Variants in COL5A1 observed in about 807,000 individuals in gnomAD.
COL5A1 encodes the protein collagen type V alpha 1 chain.
Under a neutral mutation model 263.7 loss-of-function variants are expected in COL5A1, and 16 were observed. The ratio of observed to expected loss-of-function variants is 0.06; its 90% CI spans 0.04 to 0.09. The LOEUF is 0.09. Among genes scored for constraint, COL5A1 ranks in the 10% least tolerant of loss-of-function variants. The pLI, the probability that COL5A1 is intolerant of heterozygous loss-of-function variation, is 1.00. For synonymous variants in COL5A1, 1,012 were observed against 1,004.5 expected (o/e 1.01, Z -0.14); for missense variants, 2,036 against 2,540.5 (o/e 0.80, Z 4.27).
intron 32 of COL5A1, among the ~76,000 whole-genome samples, chr9:134,790,927 G>A (rs1453935156): frequency 1.3e-5 from 2 of 152,136 alleles, no homozygotes; most frequent in Non-Finnish European, 2.9e-5. Flanking sequence ...GGCTGTGACT[G>A]CAAGCCCTTT....
At chr9:134,814,083 T>TG in intron 49 of COL5A1, 47 bp downstream of exon 49, 7 of 1,537,724 alleles carry the variant, frequency 4.6e-6, no homozygotes, top group Non-Finnish European at 6.2e-6. Context: ...GCCGAGCGGG[T>TG]GTGTGGACGG....
intron 43 of COL5A1, among the ~76,000 whole-genome samples, chr9:134,809,529 C>G (rs532009458): frequency 6.6e-6 from 1 of 152,338 alleles, no homozygotes; most frequent in South Asian, 2.1e-4. Context: ...CCTCCTGTGT[C>G]ATTTTGAGGT....
chr9:134,796,404 C>T lies in COL5A1; in HGVS notation c.2830C>T (p.Pro944Ser), dbSNP rs1047016771. ...CTCCGGAGGTGACGGCCCAGCTGGC[C>T]CTCCTGGTGAACGGGTAAGCAGCTG... is the stretch of plus-strand genomic sequence containing the variant. ...GNSGGDGPAG[P>S]PGERGPNGPQ... Residue 944 changes from proline (P) to serine (S), a missense_variant, in exon 35 of 66, where the codon CCT (proline) becomes TCT (serine). This residue lies in a region of COL5A1 where 1,078 missense variants were observed against 1,521.4 expected (regional missense o/e 0.71). Coordinates refer to ENST00000371817, the MANE Select transcript of COL5A1 (RefSeq NM_000093.5). The T allele has an allele frequency of 4.3e-6, 7 of 1,614,042 alleles. No individual in the cohort carries two copies. Among genetic ancestry groups the T allele is most frequent in the Admixed American group, 1.7e-5 (1 of 60,014 alleles).
Position 134,682,559 on chromosome 9 carries a change from G to A in COL5A1, c.110-8353G>A, listed in dbSNP as rs1231100434. ...ATCCTACCACACTGCCTGGTGGGGT[G>A]GGGGAGAGCCTGCTGCCCAGGAAGG... is the stretch of plus-strand genomic sequence containing the variant. On this transcript the variant is annotated intron_variant, in intron 1 of 65. Transcript: ENST00000371817. The surrounding 1 kb of genome is among the most constrained non-coding windows in gnomAD (Gnocchi z 5.1). 6.6e-6 allele frequency among the ~76,000 whole-genome samples: 1 copy of A among 152,224 alleles called. No homozygotes were observed. Among genetic ancestry groups the A allele is most frequent in the Non-Finnish European group, 1.5e-5 (1 of 68,046 alleles).
intron 4 of COL5A1, among the ~76,000 whole-genome samples, chr9:134,707,087 G>C (rs1301191488): frequency 6.6e-6 from 1 of 152,182 alleles, no homozygotes; most frequent in Non-Finnish European, 1.5e-5. Flanking sequence ...AGGGGGCCTG[G>C]GGTGCCTCTG....
chr9:134,691,592 T>C, intron 2 of COL5A1: 1 of 166,038 alleles, frequency 6.0e-6, no homozygotes, highest in South Asian at 1.6e-4. Flanking sequence ...TTTAATTACA[T>C]GCCCGGAGCG....
chr9:134,793,136 G>A (rs913310045), intron 32 of COL5A1, among the ~76,000 whole-genome samples: 1 of 151,956 alleles, frequency 6.6e-6, no homozygotes, highest in African/African-American at 2.4e-5. Flanking sequence ...TTGCCCCTCG[G>A]GCCTCGGGCC....
intron 36 of COL5A1, 57 bp downstream of exon 36, chr9:134,796,958 GTCCCCTCCAAAAC>G: frequency 7.0e-7 from 1 of 1,432,010 alleles, no homozygotes; most frequent in Non-Finnish European, 9.6e-7. Context: ...AAACCCACCT[GTCCCCTCCAAAAC>G]CCGCCTGTTT....
chr9:134,831,160 C>T (rs1488008879), intron 64 of COL5A1, among the ~76,000 whole-genome samples: 1 of 152,234 alleles, frequency 6.6e-6, no homozygotes, highest in African/African-American at 2.4e-5. Context: ...CCCAGCCTCC[C>T]TGGGTGGACA....
Position 134,682,857 on chromosome 9 carries a change from G to A in COL5A1, c.110-8055G>A, listed in dbSNP as rs1160666488. 6.6e-6 allele frequency among the ~76,000 whole-genome samples: 1 copy of A among 152,148 alleles called. No individual in the cohort carries two copies. Among genetic ancestry groups the A allele is most frequent in the Admixed American group, 6.5e-5 (1 of 15,284 alleles). ...CCCAGCCTTTGGGAGCGGGGACTGC[G>A]GCCAGCACATCATCCGGTGGGGACA... On this transcript the variant is annotated intron_variant, in intron 1 of 65. Transcript: ENST00000371817. The surrounding 1 kb of genome is among the most constrained non-coding windows in gnomAD (Gnocchi z 5.1).
chr9:134,832,915 C>T (rs1162103161), intron 64 of COL5A1: 1 of 152,276 alleles, frequency 6.6e-6, no homozygotes, highest in African/African-American at 2.4e-5. Flanking sequence ...TGTGTTCACC[C>T]TCTTCCCACT....
At chr9:134,650,701 C>T (rs922485767) in intron 1 of COL5A1, among the ~76,000 whole-genome samples, 2 of 152,248 alleles carry the variant, frequency 1.3e-5, no homozygotes, top group African/African-American at 4.8e-5. Context: ...GGGATGCATG[C>T]GCCTGAAGGC....
chr9:134,727,920 G>A (rs1056095045), intron 5 of COL5A1, among the ~76,000 whole-genome samples: 2 of 152,132 alleles, frequency 1.3e-5, no homozygotes, highest in East Asian at 1.9e-4. Context: ...CCCTCCCGCT[G>A]CACACCCTCG....
chr9:134,666,728 TTTC>T (rs1482834233), intron 1 of COL5A1, among the ~76,000 whole-genome samples: 1 of 152,072 alleles, frequency 6.6e-6, no homozygotes, highest in Non-Finnish European at 1.5e-5. Context: ...TCGTGACCCT[TTTC>T]TTCTGCCAGC....
At chr9:134,761,789 A>G in intron 18 of COL5A1, 136 bp from the exon 19 acceptor site, 2 of 898,946 alleles carry the variant, frequency 2.2e-6, no homozygotes, top group Admixed American at 1.7e-5. Flanking sequence ...TCTAAGGAAA[A>G]TTCCCCCATT....
rs1197173170 is a variant in COL5A1 at position 134,642,789 on chromosome 9, AG to A, written c.109+495del. On this transcript the variant is annotated intron_variant, in intron 1 of 65. Coordinates refer to ENST00000371817, the MANE Select transcript of COL5A1 (RefSeq NM_000093.5). The surrounding 1 kb of genome is among the most constrained non-coding windows in gnomAD (Gnocchi z 4.5). ...GGGCCCCCAGCACTGAACTTCCCCC[AG>A]GCACTGTCACTCTAGGCTGAGCTGG... Among the ~76,000 whole-genome samples, 2 of 151,992 alleles carry A rather than the reference AG, an allele frequency of 1.3e-5. No homozygotes were observed. The highest frequency in any genetic ancestry group is 2.9e-5 in the Non-Finnish European group (2 of 67,968).
intron 4 of COL5A1, chr9:134,709,316 G>GA (rs1216662284): frequency 1.1e-5 from 3 of 271,440 alleles, no homozygotes; most frequent in African/African-American, 1.1e-4. Context: ...AGGAGGGGTG[G>GA]GGGGGCTACT....
Position 134,692,608 on chromosome 9 carries a change from G to A in COL5A1, c.277+1529G>A, listed in dbSNP as rs969141315. Among the ~76,000 whole-genome samples, 5 of 152,314 alleles carry A rather than the reference G, an allele frequency of 3.3e-5. No homozygotes were observed. The East Asian group carries it at 5.8e-4, about 18-fold the overall frequency. Reference sequence around the variant, plus strand: ...CGCTGAGGGGCACCCTGGGAAGTAAGCGCTCCTGCTTTCCAAGGGGATCTT... The same window carrying A: ...CGCTGAGGGGCACCCTGGGAAGTAAACGCTCCTGCTTTCCAAGGGGATCTT... On this transcript the variant is annotated intron_variant, in intron 2 of 65. Transcript: ENST00000371817.
chr9:134,832,444 A>T (rs1487244501), intron 64 of COL5A1, among the ~76,000 whole-genome samples: 1 of 152,154 alleles, frequency 6.6e-6, no homozygotes, highest in East Asian at 1.9e-4. Context: ...TGGGAATTTT[A>T]TCTGGGCAGG....
Sources: allele counts gnomAD v4.1 joint callset (sites outside exome capture counted in the v4.1 genomes callset), GRCh38; gene constraint gnomAD v4.1.1; regional missense constraint gnomAD v4.1.1; non-coding constraint Gnocchi (gnomAD v3.1); transcripts MANE v1.5; gene names NCBI Gene and HGNC (gene_info 2026-07-23, HGNC 2026-07-21).